Variants in LOXHD1 observed in about 807,000 individuals in gnomAD.
The protein encoded by LOXHD1 is lipoxygenase homology domain-containing protein 1.
Under a neutral mutation model 248.2 loss-of-function variants are expected in LOXHD1, and 205 were observed. The observed-to-expected ratio is 0.83, with a 90% CI of 0.74 to 0.93. LOXHD1 has a LOEUF of 0.93. LOXHD1 is among the 40% of genes least tolerant of loss of function. The pLI is 0.00. For missense variants in LOXHD1, 2,930 were observed against 2,971.6 expected (o/e 0.99, Z 0.33); for synonymous variants, 1,113 against 1,162.8 (o/e 0.96, Z 0.87).
intron 4 of LOXHD1, among the ~76,000 whole-genome samples, chr18:46,629,928 T>C (rs1211641305): frequency 6.6e-6 from 1 of 152,164 alleles, no homozygotes; most frequent in Non-Finnish European, 1.5e-5. Flanking sequence ...AAGTTGTTGT[T>C]TCTTCTTATG....
chr18:46,599,251 A>G (rs28563468), intron 8 of LOXHD1, among the ~76,000 whole-genome samples: 2,354 of 152,262 alleles, frequency 0.015, 70 homozygotes, highest in African/African-American at 0.053. Flanking sequence ...TATCTAAACC[A>G]CTTGCTAAAT....
intron 12 of LOXHD1, among the ~76,000 whole-genome samples, chr18:46,583,128 T>G: frequency 6.6e-6 from 1 of 151,672 alleles, no homozygotes; most frequent in Non-Finnish European, 1.5e-5. Flanking sequence ...ACAAAAAGGG[T>G]GAAAATAAAA....
chr18:46,648,028 G>A (rs748783002), intron 2 of LOXHD1, among the ~76,000 whole-genome samples: 30 of 152,276 alleles, frequency 2.0e-4, no homozygotes, highest in African/African-American at 5.8e-4. Context: ...AGGCTGAAAC[G>A]GGCAGATCAC....
rs1357062785 is a variant in LOXHD1 at position 46,477,812 on chromosome 18, G to C, written c.6482C>G (p.Thr2161Arg). The stretch of plus-strand genomic sequence containing the variant: ...GCCTGCCCCTGGCTCATAGCCTGTT[G>C]TCACGATGACTTCGTACTTGACGGG... ...LVPVKYEVIV[T>R]TGYEPGAGTD... is the part of the protein sequence containing the mutation. The change falls in exon 41 of 41, where the codon ACA (threonine) becomes AGA (arginine). Residue 2161 changes from threonine (T) to arginine (R), a missense_variant. By Grantham distance (71) the Thr-to-Arg change is moderately conservative. Coordinates refer to ENST00000642948, the MANE Select transcript of LOXHD1 (RefSeq NM_001384474.1). 6.4e-7 allele frequency: 1 copy of C among 1,551,846 alleles called. No individual in the cohort carries two copies. The highest frequency in any genetic ancestry group is 2.0e-5 in the Admixed American group (1 of 51,018).
At chr18:46,501,875 C>G (rs2034254181) in intron 37 of LOXHD1, among the ~76,000 whole-genome samples, 1 of 152,180 alleles carries the variant, frequency 6.6e-6, no homozygotes, top group East Asian at 1.9e-4. Context: ...GAGGACACAT[C>G]AGGTAGGAGG....
intron 31 of LOXHD1, among the ~76,000 whole-genome samples, chr18:46,522,775 G>C (rs1251173308): frequency 8.5e-5 from 13 of 152,162 alleles, no homozygotes. Flanking sequence ...CATAGTGAAT[G>C]AAAGTCCTAG....
chr18:46,640,180 T>A (rs2038945293), intron 3 of LOXHD1, among the ~76,000 whole-genome samples: 1 of 152,078 alleles, frequency 6.6e-6, no homozygotes, highest in Non-Finnish European at 1.5e-5. Context: ...CAAGCACGGA[T>A]ACACACAACA....
chr18:46,499,147 T>A (rs904696209), intron 37 of LOXHD1, among the ~76,000 whole-genome samples: 3 of 152,228 alleles, frequency 2.0e-5, no homozygotes, highest in Admixed American at 1.3e-4. Flanking sequence ...GTCTGCCAAT[T>A]ATGACTGGCA....
chr18:46,634,726 T>C (rs1434865151), intron 4 of LOXHD1, among the ~76,000 whole-genome samples: 1 of 152,174 alleles, frequency 6.6e-6, no homozygotes, highest in Non-Finnish European at 1.5e-5. Context: ...CTGTATAAGA[T>C]TCCTGGATTA....
chr18:46,633,659 A>T (rs1486013751), intron 4 of LOXHD1, among the ~76,000 whole-genome samples: 2 of 152,264 alleles, frequency 1.3e-5, no homozygotes, highest in Non-Finnish European at 2.9e-5. Flanking sequence ...ATCAGTGGAC[A>T]CTATCAACAG....
At chr18:46,604,020 C>G in intron 7 of LOXHD1, 86 bp downstream of exon 7, 2 of 1,513,310 alleles carry the variant, frequency 1.3e-6, no homozygotes, top group Non-Finnish European at 1.8e-6. Flanking sequence ...TGTTTGATCA[C>G]AGGCCTCCAG....
At chr18:46,628,625 C>T (rs1285926352) in intron 4 of LOXHD1, among the ~76,000 whole-genome samples, 3 of 152,174 alleles carry the variant, frequency 2.0e-5, no homozygotes, top group African/African-American at 7.2e-5. Flanking sequence ...CTGAGTAGCT[C>T]TGGAGTACTT....
intron 12 of LOXHD1, among the ~76,000 whole-genome samples, chr18:46,588,073 C>T (rs2038095338): frequency 6.6e-6 from 1 of 152,090 alleles, no homozygotes. Context: ...GACGTCTTTA[C>T]ACATTATACA....
chr18:46,523,021 C>T (rs2035655355), intron 31 of LOXHD1, among the ~76,000 whole-genome samples: 1 of 152,018 alleles, frequency 6.6e-6, no homozygotes, highest in South Asian at 2.1e-4. Context: ...GATCTCGGCT[C>T]ACCGCAACCT....
chr18:46,643,984 T>C (rs1050402454), intron 2 of LOXHD1, among the ~76,000 whole-genome samples: 29 of 152,334 alleles, frequency 1.9e-4, no homozygotes, highest in African/African-American at 6.7e-4. Flanking sequence ...AGTGAGAAGA[T>C]TTACTTTTAA....
chr18:46,517,327 G>A (rs377394416), intron 34 of LOXHD1, among the ~76,000 whole-genome samples: 20 of 152,166 alleles, frequency 1.3e-4, no homozygotes, highest in African/African-American at 4.3e-4. Context: ...TGAGTGATTA[G>A]GACTGGGGGC....
chr18:46,583,458 G>A lies in LOXHD1; in HGVS notation c.1655-3674C>T, dbSNP rs2038000276. On this transcript the variant is annotated intron_variant, in intron 12 of 40. Coordinates refer to ENST00000642948, the MANE Select transcript of LOXHD1 (RefSeq NM_001384474.1). ...AGGGGTTAATATTTAGAATATATAA[G>A]AAAATTAAATGACTCAACAGCAAAA... is the stretch of plus-strand genomic sequence containing the variant. Among the ~76,000 whole-genome samples, 10 of 152,020 alleles carry A rather than the reference G, an allele frequency of 6.6e-5. 1 individual carries two copies. In the South Asian group the frequency reaches 1.9e-3, roughly 28 times the overall value.
chr18:46,520,306 G>T, intron 33 of LOXHD1: 1 of 471,160 alleles, frequency 2.1e-6, no homozygotes, highest in Non-Finnish European at 4.4e-6. Flanking sequence ...ACCTTTGTGG[G>T]ACAGCTTCTG....
intron 12 of LOXHD1, among the ~76,000 whole-genome samples, chr18:46,580,606 T>A (rs527691191): frequency 8.5e-5 from 13 of 152,314 alleles, no homozygotes; most frequent in Middle Eastern, 3.4e-3. Context: ...CCATTAACAG[T>A]ACAGGAATTC....
Sources: gnomAD v4.1 joint callset for allele counts (sites outside exome capture counted in the v4.1 genomes callset) on GRCh38, gnomAD v4.1.1 for gene constraint, MANE v1.5 for transcripts, NCBI Gene and HGNC (gene_info 2026-07-23, HGNC 2026-07-21) for gene names.